Variants in FNDC3A observed in about 807,000 individuals in gnomAD.
The protein encoded by FNDC3A is fibronectin type III domain containing 3A.
FNDC3A carries 32 observed loss-of-function variants against 148.9 expected under a neutral mutation model. The ratio of observed to expected loss-of-function variants is 0.21; its 90% CI spans 0.16 to 0.29. FNDC3A has a LOEUF of 0.29. Among genes scored for constraint, FNDC3A ranks in the 10% least tolerant of loss-of-function variants. FNDC3A has a pLI of 1.00. For synonymous variants in FNDC3A, 472 were observed against 473.6 expected (o/e 1.00, Z 0.04); for missense variants, 1,191 against 1,452.8 (o/e 0.82, Z 2.93).
Position 49,187,125 on chromosome 13 carries a change from C to T in FNDC3A, c.1760C>T (p.Pro587Leu). 1 of 1,610,674 alleles carries T rather than the reference C, an allele frequency of 6.2e-7. No individual in the cohort carries two copies. The highest frequency in any genetic ancestry group is 8.5e-7 in the Non-Finnish European group (1 of 1,177,794). ...ACTACTTTGCTTCTTTGGATAGATC[C>T]ACCAAAAGACAATGGCGGAGCAACC... ...HSHSFKITWD[P>L]PKDNGGATIN... The change falls in exon 16 of 26, where the codon CCA becomes CTA. Residue 587 changes from proline (P) to leucine (L), a missense_variant. Transcript: ENST00000492622.
intron 2 of FNDC3A, among the ~76,000 whole-genome samples, chr13:49,053,782 G>A (rs897864694): frequency 1.3e-5 from 2 of 152,300 alleles, no homozygotes; most frequent in Admixed American, 6.5e-5. Context: ...CAGAGCCTTA[G>A]TAGGTGCTAG....
intron 3 of FNDC3A, among the ~76,000 whole-genome samples, chr13:49,092,664 C>CA (rs1338857488): frequency 6.6e-6 from 1 of 151,948 alleles, no homozygotes; most frequent in East Asian, 1.9e-4. Flanking sequence ...CAGGAGCATG[C>CA]ATACATACAG....
At chr13:49,141,618 G>A (rs1882693393) in intron 7 of FNDC3A, among the ~76,000 whole-genome samples, 2 of 151,958 alleles carry the variant, frequency 1.3e-5, no homozygotes, top group African/African-American at 2.4e-5. Context: ...TACAGTCTTT[G>A]TCAAAATTCA....
At chr13:49,012,786 T>G (rs1382817952) in intron 2 of FNDC3A, among the ~76,000 whole-genome samples, 2 of 147,310 alleles carry the variant, frequency 1.4e-5, no homozygotes, top group Non-Finnish European at 3.0e-5. Context: ...GGCACTTGGG[T>G]TTTTATATGC....
At chr13:49,103,557 A>G (rs1429402020) in intron 3 of FNDC3A, among the ~76,000 whole-genome samples, 1 of 152,232 alleles carries the variant, frequency 6.6e-6, no homozygotes, top group Non-Finnish European at 1.5e-5. Flanking sequence ...TGAGAGATGT[A>G]TCAATTGCTA....
At chr13:48,997,416 T>C (rs1299580257) in intron 1 of FNDC3A, among the ~76,000 whole-genome samples, 3 of 152,222 alleles carry the variant, frequency 2.0e-5, no homozygotes, top group African/African-American at 7.2e-5. Context: ...AAGCACCTGA[T>C]AGTGTTATGG....
chr13:49,161,683 G>A (rs191519277), intron 8 of FNDC3A, among the ~76,000 whole-genome samples: 9 of 152,160 alleles, frequency 5.9e-5, no homozygotes, highest in Non-Finnish European at 1.5e-5. Flanking sequence ...ATTAGTTGAT[G>A]CAGTTTCTTC....
intron 14 of FNDC3A, among the ~76,000 whole-genome samples, chr13:49,185,168 A>G (rs998524981): frequency 2.0e-5 from 3 of 152,156 alleles, no homozygotes; most frequent in Admixed American, 6.5e-5. Context: ...AGAAAATGTA[A>G]CAATACAGGT....
chr13:48,983,994 A>G (rs1409934630), intron 1 of FNDC3A, among the ~76,000 whole-genome samples: 4 of 152,206 alleles, frequency 2.6e-5, no homozygotes, highest in African/African-American at 9.6e-5. Context: ...AATATGAGAT[A>G]ACAGAAAAAG....
At position 49,191,359 on chromosome 13, in the gene FNDC3A, G is replaced by T. The variant is rs1355699381; in HGVS notation, c.2201G>T (p.Arg734Ile). 1 of 1,603,588 alleles carries T rather than the reference G, an allele frequency of 6.2e-7. No individual in the cohort carries two copies. Among genetic ancestry groups the T allele is most frequent in the African/African-American group, 1.3e-5 (1 of 74,262 alleles). The change falls in exon 19 of 26, where the codon AGA becomes ATA. Residue 734 changes from arginine (R) to isoleucine (I), a missense_variant. By Grantham distance (97) the Arg-to-Ile change is moderately conservative. Around this residue, in one of 3 missense-constraint regions of FNDC3A, gnomAD observed 751 missense variants for 944.0 expected, o/e 0.80. Coordinates refer to ENST00000492622, the MANE Select transcript of FNDC3A (RefSeq NM_001079673.2). ...SLLPGKTYSF[R>I]LRAANKMGFG... ...CTTCCTGGAAAGACATACAGCTTCA[G>T]ACTACGTGCAGCTAACAAAATGGGG...
At chr13:49,145,354 C>T (rs1882932035) in intron 7 of FNDC3A, among the ~76,000 whole-genome samples, 1 of 152,156 alleles carries the variant, frequency 6.6e-6, no homozygotes, top group Non-Finnish European at 1.5e-5. Context: ...CAGTTTCACA[C>T]GTACATCATT....
chr13:49,023,611 T>G (rs1873487823), intron 2 of FNDC3A, among the ~76,000 whole-genome samples: 1 of 151,932 alleles, frequency 6.6e-6, no homozygotes, highest in Non-Finnish European at 1.5e-5. Context: ...TACAGTTAAA[T>G]TCCAAACTCT....
intron 3 of FNDC3A, among the ~76,000 whole-genome samples, chr13:49,076,390 G>A (rs1170697456): frequency 6.6e-6 from 1 of 151,972 alleles, no homozygotes; most frequent in Non-Finnish European, 1.5e-5. Context: ...GATTACAGGT[G>A]CCTGCCACCA....
At chr13:49,142,141 G>T (rs543351611) in intron 7 of FNDC3A, among the ~76,000 whole-genome samples, 8 of 152,048 alleles carry the variant, frequency 5.3e-5, no homozygotes, top group Admixed American at 2.6e-4. Context: ...CTATATTTTC[G>T]ATCCTAATTA....
intron 8 of FNDC3A, among the ~76,000 whole-genome samples, chr13:49,160,369 T>A (rs1371898993): frequency 6.6e-6 from 1 of 152,240 alleles, no homozygotes; most frequent in Admixed American, 6.5e-5. Context: ...GTCCAGGAAT[T>A]TATCTGTTTC....
intron 2 of FNDC3A, among the ~76,000 whole-genome samples, chr13:49,046,994 C>T (rs1042008297): frequency 1.1e-4 from 16 of 151,818 alleles, no homozygotes; most frequent in Non-Finnish European, 1.9e-4. Context: ...GTCTTTTATC[C>T]CTCACCTCCC....
At chr13:49,197,088 A>G (rs1886192436) in intron 20 of FNDC3A, 98 bp downstream of exon 20, 1 of 653,582 alleles carries the variant, frequency 1.5e-6, no homozygotes, top group East Asian at 2.9e-5. Context: ...CGCCTATATT[A>G]TACAGAGTAA....
At chr13:49,121,880 C>T (rs1196328504) in intron 4 of FNDC3A, among the ~76,000 whole-genome samples, 1 of 152,112 alleles carries the variant, frequency 6.6e-6, no homozygotes, top group East Asian at 1.9e-4. Context: ...CAAAAAAAGC[C>T]CAGGACCAGA....
intron 3 of FNDC3A, among the ~76,000 whole-genome samples, chr13:49,103,769 C>A (rs1209223046): frequency 2.6e-5 from 4 of 152,150 alleles, no homozygotes; most frequent in Non-Finnish European, 5.9e-5. Context: ...TCTCACATTT[C>A]TGGCTTAAGA....
Sources: allele counts gnomAD v4.1 joint callset (sites outside exome capture counted in the v4.1 genomes callset), GRCh38; gene constraint gnomAD v4.1.1; regional missense constraint gnomAD v4.1.1; transcripts MANE v1.5; gene names NCBI Gene and HGNC (gene_info 2026-07-23, HGNC 2026-07-21).